The following NCKAP5 variants were observed in gnomAD, a reference collection of about 807,000 sequenced individuals.
NCKAP5 encodes the protein NCK associated protein 5.
NCKAP5 carries 92 observed loss-of-function variants against 167.0 expected under a neutral mutation model. The ratio of observed to expected loss-of-function variants is 0.55; its 90% CI spans 0.47 to 0.66. The LOEUF is 0.66. NCKAP5 is among the 30% of genes least tolerant of loss of function. The pLI, the probability that NCKAP5 is intolerant of heterozygous loss-of-function variation, is 0.00. For synonymous variants in NCKAP5, 891 were observed against 877.4 expected (o/e 1.02, Z -0.27); for missense variants, 2,378 against 2,315.0 (o/e 1.03, Z -0.56).
intron 3 of NCKAP5, among the ~76,000 whole-genome samples, chr2:133,414,825 A>T (rs1368584128): frequency 2.0e-5 from 3 of 152,210 alleles, no homozygotes; most frequent in Non-Finnish European, 4.4e-5. Context: ...AATAATACGG[A>T]GAAAGCATGG....
intron 5 of NCKAP5, among the ~76,000 whole-genome samples, chr2:133,195,109 C>T (rs2150096653): frequency 6.6e-6 from 1 of 152,110 alleles, no homozygotes; most frequent in African/African-American, 2.4e-5. Context: ...GAAGCAGTAA[C>T]CAACAGTAAA....
chr2:133,472,630 G>C (rs1338050549), intron 3 of NCKAP5, among the ~76,000 whole-genome samples: 3 of 151,946 alleles, frequency 2.0e-5, no homozygotes, highest in Non-Finnish European at 4.4e-5. Flanking sequence ...CATTCTGCAG[G>C]GTCCGAGACC....
intron 19 of NCKAP5, among the ~76,000 whole-genome samples, chr2:132,693,719 C>G (rs1040530338): frequency 1.3e-5 from 2 of 150,460 alleles, no homozygotes; most frequent in African/African-American, 4.9e-5. Context: ...TCCGCTTCCC[C>G]AGTTCAAGCG....
intron 3 of NCKAP5, among the ~76,000 whole-genome samples, chr2:133,393,696 A>G (rs1687564477): frequency 6.6e-6 from 1 of 152,258 alleles, no homozygotes. Flanking sequence ...CCTAACCTCC[A>G]GAACAAATAA....
intron 6 of NCKAP5, among the ~76,000 whole-genome samples, chr2:133,019,032 C>A (rs1186530133): frequency 6.6e-6 from 1 of 152,158 alleles, no homozygotes; most frequent in Non-Finnish European, 1.5e-5. Flanking sequence ...AAGAAACAGG[C>A]CCAACTATGG....
At chr2:133,203,922 T>G (rs981798658) in intron 5 of NCKAP5, among the ~76,000 whole-genome samples, 16 of 152,216 alleles carry the variant, frequency 1.1e-4, no homozygotes, top group African/African-American at 3.4e-4. Context: ...TTTTATCTCT[T>G]TACAAGTGTT....
intron 8 of NCKAP5, among the ~76,000 whole-genome samples, chr2:132,884,453 T>A (rs778365971): frequency 1.3e-5 from 2 of 152,184 alleles, no homozygotes; most frequent in African/African-American, 4.8e-5. Flanking sequence ...CGGTTCCAGT[T>A]CCATTCTGTT....
At chr2:133,436,622 T>C (rs1282345733) in intron 3 of NCKAP5, among the ~76,000 whole-genome samples, 1 of 152,168 alleles carries the variant, frequency 6.6e-6, no homozygotes, top group Non-Finnish European at 1.5e-5. Context: ...CCTGTGCTTG[T>C]GACCTCTTCT....
rs75835523 is a variant in NCKAP5, at chr2:132,883,961, A to T, written c.580-5045T>A. Among the ~76,000 whole-genome samples, 387 of 152,328 alleles carry T rather than the reference A, an allele frequency of 2.5e-3. 1 individual carries two copies. The highest frequency in any genetic ancestry group is 8.5e-3 in the African/African-American group (354 of 41,564). On this transcript the variant is annotated intron_variant, in intron 8 of 19. Transcript: ENST00000409261. The stretch of plus-strand genomic sequence containing the variant: ...TGAACCAGAATAGGGCACAAAAATG[A>T]GGAAAACTCCCGGAAAAAGTCTGTT...
intron 6 of NCKAP5, among the ~76,000 whole-genome samples, chr2:133,007,638 TG>T (rs1282617022): frequency 6.6e-6 from 1 of 152,102 alleles, no homozygotes; most frequent in Non-Finnish European, 1.5e-5. Flanking sequence ...TTTTCTTCCA[TG>T]GGTAGGGGGT....
At position 132,795,839 on chromosome 2, in the gene NCKAP5, C is replaced by CAAAAAA. The variant is rs1246383506; in HGVS notation, c.909+783_909+788dup. On this transcript the variant is annotated intron_variant, in intron 12 of 19. Coordinates refer to ENST00000409261, the MANE Select transcript of NCKAP5 (RefSeq NM_207363.3). ...GTATCAGAAAAAAAAAAAAAAAAAA[C>CAAAAAA]AAAAAAAACAAAAGAGAATGAAGCC... Among the ~76,000 whole-genome samples, 6 of 110,674 alleles carry CAAAAAA rather than the reference C, an allele frequency of 5.4e-5. No homozygotes were observed. In the East Asian group the frequency reaches 1.1e-3, roughly 21 times the overall value. The allele number at this position is 110,674 out of a possible 152,430, so 72.6% of individuals were successfully genotyped here.
chr2:132,760,841 G>C (rs757729929), intron 16 of NCKAP5, among the ~76,000 whole-genome samples: 5 of 152,118 alleles, frequency 3.3e-5, no homozygotes, highest in Admixed American at 6.6e-5. Flanking sequence ...CCAAATCTTA[G>C]AAAATACTAA....
the NCKAP5 span, among the ~76,000 whole-genome samples, chr2:133,628,123 G>A: frequency 6.6e-6 from 1 of 152,092 alleles, no homozygotes; most frequent in Non-Finnish European, 1.5e-5. Context: ...ATTCAACATA[G>A]TAATGGAAGT....
rs557092637 is a variant in NCKAP5 at position 132,731,164 on chromosome 2, C to T, written c.5443+573G>A. Among the ~76,000 whole-genome samples, 15 of 152,314 alleles carry T rather than the reference C, an allele frequency of 9.8e-5. No homozygotes were observed. The South Asian group carries it at 3.1e-3, about 32-fold the overall frequency. ...AGGGAACAATGAAAAACTGATGACC[C>T]TTAGCCCAGCCCTGTCTTTCATCAT... On this transcript the variant is annotated intron_variant, in intron 17 of 19. Coordinates refer to ENST00000409261, the MANE Select transcript of NCKAP5 (RefSeq NM_207363.3).
intron 5 of NCKAP5, among the ~76,000 whole-genome samples, chr2:133,168,445 T>A (rs2084097096): frequency 6.6e-6 from 1 of 152,138 alleles, no homozygotes; most frequent in South Asian, 2.1e-4. Context: ...TTCCTTTCAT[T>A]ATACAGACTC....
intron 11 of NCKAP5, among the ~76,000 whole-genome samples, chr2:132,825,397 G>A (rs1287311748): frequency 6.6e-6 from 1 of 152,168 alleles, no homozygotes; most frequent in Non-Finnish European, 1.5e-5. Context: ...CTAAGAGGAA[G>A]ACAAAAATCT....
At chr2:133,268,779 G>A (rs1470016622) in intron 4 of NCKAP5, 1 of 152,164 alleles carries the variant, frequency 6.6e-6, no homozygotes, top group Non-Finnish European at 1.5e-5. Flanking sequence ...CGATTTTACA[G>A]AATTTTTATG....
the NCKAP5 span, among the ~76,000 whole-genome samples, chr2:133,641,215 C>A: frequency 6.6e-6 from 1 of 152,210 alleles, no homozygotes; most frequent in East Asian, 1.9e-4. Context: ...TCTCTGCTTT[C>A]TCATAGTAAA....
At chr2:133,355,746 T>G (rs1684666814) in intron 3 of NCKAP5, among the ~76,000 whole-genome samples, 1 of 152,198 alleles carries the variant, frequency 6.6e-6, no homozygotes, top group Admixed American at 6.5e-5. Context: ...CCAAGAAGCC[T>G]TCTTAAATTC....
Sources: gnomAD v4.1 joint callset for allele counts (sites outside exome capture counted in the v4.1 genomes callset) on GRCh38, gnomAD v4.1.1 for gene constraint, MANE v1.5 for transcripts, NCBI Gene and HGNC (gene_info 2026-07-23, HGNC 2026-07-21) for gene names.